The following CD80 variants were observed in gnomAD, a reference collection of about 807,000 sequenced individuals.
The protein encoded by CD80 is CD80 molecule.
In CD80, 13 loss-of-function variants were observed where a neutral mutation model predicts 27.1. The ratio of observed to expected loss-of-function variants is 0.48; its 90% confidence interval spans 0.31 to 0.76. The LOEUF is 0.76. Among genes scored for constraint, CD80 ranks in the 30% least tolerant of loss-of-function variants. The pLI, the probability that CD80 is intolerant of heterozygous loss-of-function variation, is 0.04. For missense variants in CD80, 277 were observed against 347.9 expected, an observed-to-expected ratio of 0.80 and a Z score of 1.62; for synonymous variants, 125 against 125.5, an observed-to-expected ratio of 1.00 and a Z score of 0.03.
chr3:119,527,895 G>T, intron 5 of CD80, 54 bp from the exon 6 acceptor site: 2 of 1,462,708 alleles, frequency 1.4e-6, no homozygotes, highest in African/African-American at 1.4e-5. Flanking sequence ...CTTGAATTGT[G>T]CCCATATGTT....
intron 3 of CD80, 114 bp downstream of exon 3, chr3:119,544,436 A>G: frequency 1.2e-6 from 1 of 806,312 alleles, no homozygotes; most frequent in South Asian, 1.7e-5. Flanking sequence ...ACTCCAAGAA[A>G]TGAAGTGAGA....
intron 4 of CD80, among the ~76,000 whole-genome samples, chr3:119,534,199 A>G (rs937484576): frequency 6.6e-6 from 1 of 151,980 alleles, no homozygotes. Context: ...GTGAAACCCC[A>G]TCTCCACTAA....
intron 2 of CD80, among the ~76,000 whole-genome samples, chr3:119,555,516 A>T (rs1023272092): frequency 1.3e-5 from 2 of 152,180 alleles, no homozygotes; most frequent in Admixed American, 1.3e-4. Flanking sequence ...CCTGAATAAC[A>T]TGCGGATTCA....
chr3:119,524,749 A>T lies in CD80; in HGVS notation c.*1039T>A, dbSNP rs1168538358. On this transcript the variant is annotated 3_prime_UTR_variant, in exon 7 of 7. Coordinates refer to ENST00000264246, the MANE Select transcript of CD80 (RefSeq NM_005191.4). ...TGTGGAAGGCAGTTTTAGAGAAAGG[A>T]GTCATGAGTAACATGAACAGCAGTT... The T allele has an allele frequency of 2.0e-5, 3 of 152,224 alleles. No individual in the cohort carries two copies. The highest frequency in any genetic ancestry group is 2.0e-4 in the Admixed American group (3 of 15,284). 9.4% of individuals were successfully genotyped at this position (152,224 alleles called of 1,614,324 possible).
intron 4 of CD80, among the ~76,000 whole-genome samples, chr3:119,536,455 C>T (rs988745075): frequency 6.6e-6 from 1 of 151,974 alleles, no homozygotes; most frequent in Non-Finnish European, 1.5e-5. Context: ...AGCCACCCAC[C>T]TTACCCTCCC....
chr3:119,541,818 C>T (rs1577110021), intron 3 of CD80, among the ~76,000 whole-genome samples: 1 of 152,356 alleles, frequency 6.6e-6, no homozygotes, highest in East Asian at 1.9e-4. Context: ...CCCACACACC[C>T]TCGGTTCTGA....
Position 119,546,815 on chromosome 3 carries a change from A to AACACACACACACACACACAC in CD80, c.101-1968_101-1949dup, listed in dbSNP as rs10661634. Among the ~76,000 whole-genome samples the AACACACACACACACACACAC allele has an allele frequency of 3.7e-3, 550 of 149,352 alleles. 3 individuals carry two copies. Among genetic ancestry groups the AACACACACACACACACACAC allele is most frequent in the South Asian group, 0.015 (69 of 4,702 alleles). On this transcript the variant is annotated intron_variant, in intron 2 of 6. Coordinates refer to ENST00000264246, the MANE Select transcript of CD80 (RefSeq NM_005191.4). ...TCTCCCCACAATCACGTGATGCAACAACACACACACACACACACACACACA... is the reference window on the plus strand; with the variant it reads ...TCTCCCCACAATCACGTGATGCAACAACACACACACACACACACACACACACACACACACACACACACACA...
chr3:119,535,629 C>T (rs1055295031), intron 4 of CD80, among the ~76,000 whole-genome samples: 21 of 152,128 alleles, frequency 1.4e-4, no homozygotes, highest in Non-Finnish European at 4.4e-5. Context: ...AGAGAATTCT[C>T]TGAGTTTACT....
intron 2 of CD80, among the ~76,000 whole-genome samples, chr3:119,547,313 C>T (rs1315301770): frequency 6.6e-6 from 1 of 152,250 alleles, no homozygotes; most frequent in Non-Finnish European, 1.5e-5. Flanking sequence ...CCTAGACCCA[C>T]ACCAAATATG....
At chr3:119,526,654 A>G (rs969302537) in intron 6 of CD80, among the ~76,000 whole-genome samples, 1 of 152,196 alleles carries the variant, frequency 6.6e-6, no homozygotes, top group Non-Finnish European at 1.5e-5. Context: ...CTCCCATAAC[A>G]TGGAAATAGA....
chr3:119,555,725 G>T (rs1244011425), intron 2 of CD80, among the ~76,000 whole-genome samples: 1 of 152,186 alleles, frequency 6.6e-6, no homozygotes, highest in African/African-American at 2.4e-5. Context: ...GTGGCTATTG[G>T]ATTACTTTTC....
intron 3 of CD80, among the ~76,000 whole-genome samples, chr3:119,540,829 G>T: frequency 6.6e-6 from 1 of 152,126 alleles, no homozygotes; most frequent in African/African-American, 2.4e-5. Flanking sequence ...CAGGAGGATC[G>T]CTTGAGGTCA....
At chr3:119,552,172 G>A (rs2082236296) in intron 2 of CD80, among the ~76,000 whole-genome samples, 1 of 152,194 alleles carries the variant, frequency 6.6e-6, no homozygotes, top group Non-Finnish European at 1.5e-5. Flanking sequence ...AACAAGAGTA[G>A]AGACCAAGAA....
At chr3:119,547,106 C>T (rs951063982) in intron 2 of CD80, among the ~76,000 whole-genome samples, 1 of 152,200 alleles carries the variant, frequency 6.6e-6, no homozygotes, top group Non-Finnish European at 1.5e-5. Flanking sequence ...TGACTAAGTG[C>T]ACCCTGCTAA....
chr3:119,530,740 A>G (rs1577106875), intron 4 of CD80, among the ~76,000 whole-genome samples: 1 of 152,238 alleles, frequency 6.6e-6, no homozygotes. Context: ...AACGGCAGGG[A>G]CACAAATTAT....
At chr3:119,552,227 G>A (rs773250578) in intron 2 of CD80, among the ~76,000 whole-genome samples, 16 of 152,110 alleles carry the variant, frequency 1.1e-4, no homozygotes, top group Middle Eastern at 3.2e-3. Context: ...GGTGGCTCAC[G>A]CCTGTAATCC....
At position 119,537,670 on chromosome 3, in the gene CD80, C is replaced by T. The variant is rs113601974; in HGVS notation, c.419-252G>A. 4.0e-4 allele frequency among the ~76,000 whole-genome samples: 61 copies of T among 152,170 alleles called. 1 individual carries two copies. The highest frequency in any genetic ancestry group is 1.4e-3 in the African/African-American group (60 of 41,498). Reference sequence around the variant, plus strand: ...TACATAAATTAACCAGGCGTGGTGGCAGGCGCCTATAATCCCAGCTACTCG... The same window carrying T: ...TACATAAATTAACCAGGCGTGGTGGTAGGCGCCTATAATCCCAGCTACTCG... On this transcript the variant is annotated intron_variant, in intron 3 of 6. Coordinates refer to ENST00000264246, the MANE Select transcript of CD80 (RefSeq NM_005191.4).
At chr3:119,550,452 G>A (rs866128559) in intron 2 of CD80, among the ~76,000 whole-genome samples, 1 of 152,154 alleles carries the variant, frequency 6.6e-6, no homozygotes, top group African/African-American at 2.4e-5. Context: ...AAAATCTTCC[G>A]AACAATTTGG....
chr3:119,533,980 A>C (rs1002014944), intron 4 of CD80, among the ~76,000 whole-genome samples: 1 of 152,176 alleles, frequency 6.6e-6, no homozygotes, highest in Non-Finnish European at 1.5e-5. Context: ...GATTTGAGAC[A>C]TTTATACCCT....
Sources: gnomAD v4.1 joint callset for allele counts (sites outside exome capture counted in the v4.1 genomes callset) on GRCh38, gnomAD v4.1.1 for gene constraint, MANE v1.5 for transcripts, NCBI Gene and HGNC (gene_info 2026-07-23, HGNC 2026-07-21) for gene names.